Variants in DGKB observed in about 807,000 individuals in gnomAD.
DGKB encodes diacylglycerol kinase beta.
In DGKB, 67 loss-of-function variants were observed where a neutral mutation model predicts 114.3. That is an observed-to-expected ratio of 0.59 (90% confidence interval 0.48 to 0.72). The LOEUF is 0.72. Among genes scored for constraint, DGKB ranks in the 30% least tolerant of loss-of-function variants. The pLI is 0.00. For synonymous variants in DGKB, 398 were observed against 323.1 expected (o/e 1.23, Z -2.49); for missense variants, 907 against 975.2 (o/e 0.93, Z 0.93).
intron 21 of DGKB, among the ~76,000 whole-genome samples, chr7:14,474,850 A>C (rs1781938577): frequency 6.6e-6 from 1 of 151,864 alleles, no homozygotes; most frequent in South Asian, 2.1e-4. Context: ...TTGAGTCTAA[A>C]GGACTGGAAG....
intron 23 of DGKB, among the ~76,000 whole-genome samples, chr7:14,307,694 G>T (rs1049423026): frequency 2.6e-5 from 4 of 152,176 alleles, no homozygotes; most frequent in African/African-American, 9.6e-5. Context: ...ACAATTTAAA[G>T]CAGGTAATTT....
chr7:14,358,408 G>A (rs1323278986), intron 21 of DGKB, among the ~76,000 whole-genome samples: 2 of 152,022 alleles, frequency 1.3e-5, no homozygotes, highest in East Asian at 1.9e-4. Context: ...CATGCCTCAC[G>A]TAGTTCTCGT....
chr7:14,943,806 T>C (rs935804123), intron 1 of DGKB, among the ~76,000 whole-genome samples: 4 of 151,934 alleles, frequency 2.6e-5, no homozygotes, highest in African/African-American at 9.7e-5. Context: ...GAATGAATAT[T>C]AAAAATCTAT....
At chr7:14,304,087 A>ACACACTCTCTCTCT (rs140836395) in intron 23 of DGKB, among the ~76,000 whole-genome samples, 64 of 110,116 alleles carry the variant, frequency 5.8e-4, no homozygotes, top group African/African-American at 1.7e-3. Context: ...ACACACACAC[A>ACACACTCTCTCTCT]CTCTCTCTCT....
chr7:14,780,426 G>A (rs1180781943), intron 2 of DGKB, among the ~76,000 whole-genome samples: 1 of 152,128 alleles, frequency 6.6e-6, no homozygotes, highest in African/African-American at 2.4e-5. Flanking sequence ...TACAACAATA[G>A]GCATATAATA....
intron 21 of DGKB, among the ~76,000 whole-genome samples, chr7:14,378,273 T>G (rs1190766876): frequency 6.6e-6 from 1 of 152,162 alleles, no homozygotes; most frequent in Non-Finnish European, 1.5e-5. Context: ...TGAGATCCAG[T>G]CATTTCAAGG....
chr7:14,269,650 C>T (rs1241791879), intron 23 of DGKB, among the ~76,000 whole-genome samples: 2 of 152,046 alleles, frequency 1.3e-5, no homozygotes, highest in Admixed American at 6.6e-5. Context: ...TAGGTCAAGA[C>T]GATAGCTAGA....
chr7:14,960,148 T>C (rs1439804394), intron 1 of DGKB, among the ~76,000 whole-genome samples: 1 of 152,052 alleles, frequency 6.6e-6, no homozygotes, highest in African/African-American at 2.4e-5. Flanking sequence ...ATCAGCCTCT[T>C]AACTTTGATG....
intron 23 of DGKB, among the ~76,000 whole-genome samples, chr7:14,336,131 A>C (rs1347673514): frequency 6.6e-6 from 1 of 152,248 alleles, no homozygotes; most frequent in Non-Finnish European, 1.5e-5. Context: ...TAACTATCTC[A>C]GTAGTAAATT....
chr7:14,581,088 A>G (rs1799864849), intron 18 of DGKB, 137 bp from the exon 19 acceptor site: 1 of 499,572 alleles, frequency 2.0e-6, no homozygotes, highest in African/African-American at 1.9e-5. Flanking sequence ...GTAGTTTTAG[A>G]TATACACAAT....
intron 23 of DGKB, among the ~76,000 whole-genome samples, chr7:14,243,112 G>A (rs1261556544): frequency 6.6e-6 from 1 of 151,706 alleles, no homozygotes; most frequent in South Asian, 2.1e-4. Context: ...CCTATTTTTA[G>A]GTAATTTACC....
intron 1 of DGKB, among the ~76,000 whole-genome samples, chr7:14,926,738 A>G (rs1381023278): frequency 1.3e-5 from 2 of 152,034 alleles, no homozygotes; most frequent in East Asian, 1.9e-4. Context: ...CCAACATGTA[A>G]TATCTCTGAA....
intron 2 of DGKB, among the ~76,000 whole-genome samples, chr7:14,772,825 A>G (rs1586391489): frequency 6.6e-6 from 1 of 152,174 alleles, no homozygotes; most frequent in East Asian, 1.9e-4. Context: ...GTACTTGGAC[A>G]TAGCCAGACC....
intron 13 of DGKB, among the ~76,000 whole-genome samples, chr7:14,639,713 T>G (rs770273424): frequency 1.3e-5 from 2 of 152,222 alleles, no homozygotes; most frequent in Non-Finnish European, 2.9e-5. Flanking sequence ...AGAGCTTGCC[T>G]CTTCCTTTTT....
At chr7:14,834,692 G>C (rs1413687326) in intron 2 of DGKB, among the ~76,000 whole-genome samples, 2 of 152,270 alleles carry the variant, frequency 1.3e-5, no homozygotes, top group East Asian at 3.9e-4. Flanking sequence ...AACTTCTGTT[G>C]TGTTAGCCCA....
At chr7:14,357,222 T>A (rs1361424561) in intron 21 of DGKB, among the ~76,000 whole-genome samples, 2 of 152,172 alleles carry the variant, frequency 1.3e-5, no homozygotes, top group Non-Finnish European at 2.9e-5. Context: ...TATTATTGTG[T>A]GGGAGTCTAA....
intron 23 of DGKB, among the ~76,000 whole-genome samples, chr7:14,326,616 T>C (rs575377278): frequency 6.6e-6 from 1 of 151,880 alleles, no homozygotes; most frequent in Admixed American, 6.6e-5. Context: ...GAAGAAGGAA[T>C]TCCCTTCTCC....
chr7:14,893,026 T>C (rs1288428925), intron 1 of DGKB, among the ~76,000 whole-genome samples: 1 of 151,200 alleles, frequency 6.6e-6, no homozygotes, highest in Non-Finnish European at 1.5e-5. Flanking sequence ...TTTTCGTAGA[T>C]ATTTAAACAT....
At chr7:14,220,912 A>G (rs948486198) in intron 23 of DGKB, among the ~76,000 whole-genome samples, 13 of 151,348 alleles carry the variant, frequency 8.6e-5, no homozygotes, top group African/African-American at 3.1e-4. Flanking sequence ...ATTTATTTTT[A>G]GCATTTTATT....
Sources: allele counts gnomAD v4.1 joint callset (sites outside exome capture counted in the v4.1 genomes callset), GRCh38; gene constraint gnomAD v4.1.1; transcripts MANE v1.5; gene names NCBI Gene and HGNC (gene_info 2026-07-23, HGNC 2026-07-21).